C7orf78: variants seen among roughly 807,000 people sequenced by gnomAD.
C7orf78 encodes chromosome 7 open reading frame 78.
the C7orf78 span, among the ~76,000 whole-genome samples, chr7:12,493,879 C>G: frequency 6.6e-6 from 1 of 152,182 alleles, no homozygotes; most frequent in Non-Finnish European, 1.5e-5. Flanking sequence ...TCAATTGCCA[C>G]TATCAGGAAG....
At chr7:12,509,596 C>T in the C7orf78 span, among the ~76,000 whole-genome samples, 1 of 152,058 alleles carries the variant, frequency 6.6e-6, no homozygotes, top group African/African-American at 2.4e-5. Context: ...ACCCATTAAC[C>T]AATTTATTCT....
chr7:12,509,530 A>G, the C7orf78 span, among the ~76,000 whole-genome samples: 1 of 152,138 alleles, frequency 6.6e-6, no homozygotes, highest in Non-Finnish European at 1.5e-5. Flanking sequence ...AGTATAGTCA[A>G]CCTAATCTGC....
chr7:12,530,009 G>A, the C7orf78 span, among the ~76,000 whole-genome samples: 2 of 46,976 alleles, frequency 4.3e-5, no homozygotes, highest in African/African-American at 2.7e-4. Flanking sequence ...TGTTGCCACA[G>A]CAATGGTGGG....
the C7orf78 span, among the ~76,000 whole-genome samples, chr7:12,522,726 A>G: frequency 5.9e-5 from 9 of 152,294 alleles, no homozygotes; most frequent in African/African-American, 2.2e-4. Flanking sequence ...ACTTAAGGAC[A>G]TGGATTTTAC....
the C7orf78 span, among the ~76,000 whole-genome samples, chr7:12,527,761 T>G: frequency 6.7e-6 from 1 of 149,986 alleles, no homozygotes; most frequent in Non-Finnish European, 1.5e-5. Flanking sequence ...TGTCACTCAC[T>G]TTCGTAGAAA....
the C7orf78 span, chr7:12,528,809 G>A: frequency 2.5e-6 from 1 of 396,484 alleles, no homozygotes; most frequent in Non-Finnish European, 4.4e-6. Context: ...TACCACTCCT[G>A]GGTCCTGATC....
the C7orf78 span, among the ~76,000 whole-genome samples, chr7:12,494,658 C>T: frequency 2.4e-3 from 358 of 152,284 alleles, 3 homozygotes; most frequent in African/African-American, 7.9e-3. Flanking sequence ...CTCTATTTCC[C>T]TACAGCAATA....
chr7:12,484,009 T>C, the C7orf78 span: 1 of 152,090 alleles, frequency 6.6e-6, no homozygotes, highest in Non-Finnish European at 1.5e-5. Flanking sequence ...CCTGAAGAAA[T>C]ACAAAGGTAA....
the C7orf78 span, among the ~76,000 whole-genome samples, chr7:12,521,230 C>A: frequency 6.6e-6 from 1 of 152,040 alleles, no homozygotes; most frequent in African/African-American, 2.4e-5. Flanking sequence ...ATTGTTAACA[C>A]TTGAAGACAT....
chr7:12,541,806 G>GT, the C7orf78 span: 3 of 152,032 alleles, frequency 2.0e-5, no homozygotes, highest in African/African-American at 7.2e-5. Flanking sequence ...TCATTTTTCA[G>GT]TTTTTTCTAA....
chr7:12,523,470 G>A, the C7orf78 span: 58 of 397,314 alleles, frequency 1.5e-4, no homozygotes, highest in African/African-American at 9.9e-4. Flanking sequence ...GATAGATAAG[G>A]GGAACTATGT....
chr7:12,511,743 G>C, the C7orf78 span, among the ~76,000 whole-genome samples: 1 of 150,956 alleles, frequency 6.6e-6, no homozygotes, highest in African/African-American at 2.4e-5. Flanking sequence ...GGTTTTTTTG[G>C]GTTTTTGTTT....
the C7orf78 span, among the ~76,000 whole-genome samples, chr7:12,527,839 C>G: frequency 6.7e-6 from 1 of 148,576 alleles, no homozygotes; most frequent in African/African-American, 2.5e-5. Flanking sequence ...GTGTCACTCA[C>G]TTTGGTAGAA....
At chr7:12,523,556 T>G in the C7orf78 span, 4 of 393,666 alleles carry the variant, frequency 1.0e-5, no homozygotes, top group African/African-American at 8.2e-5. Flanking sequence ...ATGTGTATAA[T>G]GCTGCCTTTT....
the C7orf78 span, among the ~76,000 whole-genome samples, chr7:12,517,179 G>A: frequency 5.3e-5 from 8 of 152,004 alleles, no homozygotes; most frequent in South Asian, 6.3e-4. Context: ...CAGTTTCCCC[G>A]ATACTGTTTT....
the C7orf78 span, among the ~76,000 whole-genome samples, chr7:12,516,693 C>T: frequency 1.3e-5 from 2 of 152,222 alleles, no homozygotes; most frequent in African/African-American, 2.4e-5. Flanking sequence ...CCACCTCTTG[C>T]ATCAGCATGA....
At chr7:12,495,929 A>G in the C7orf78 span, among the ~76,000 whole-genome samples, 1 of 146,784 alleles carries the variant, frequency 6.8e-6, no homozygotes, top group Admixed American at 6.8e-5. Context: ...CTCAAAAAAA[A>G]TTTTTTTTTT....
chr7:12,484,268 T>C, the C7orf78 span, among the ~76,000 whole-genome samples: 59 of 152,342 alleles, frequency 3.9e-4, no homozygotes, highest in Middle Eastern at 3.4e-3. Context: ...GTATTCTTTT[T>C]CTATTTCAAA....
chr7:12,483,747 G>A, the C7orf78 span: 30,878 of 149,328 alleles, frequency 0.21, 4,182 homozygotes, highest in East Asian at 0.51. Context: ...TCGCGGTGGC[G>A]GGCGCCTGTA....
Sources: allele counts gnomAD v4.1 joint callset (sites outside exome capture counted in the v4.1 genomes callset), GRCh38; gene constraint gnomAD v4.1.1; transcripts MANE v1.5; gene names NCBI Gene and HGNC (gene_info 2026-07-23, HGNC 2026-07-21).